PEX3: variants seen among roughly 807,000 people sequenced by gnomAD.
The protein encoded by PEX3 is peroxin-3.
A neutral mutation model predicts 55.8 loss-of-function variants in PEX3; 30 were observed. The ratio of observed to expected loss-of-function variants is 0.54; its 90% CI spans 0.40 to 0.73. PEX3 has a LOEUF of 0.73. PEX3 is among the 30% of genes least tolerant of loss of function. The pLI, the probability that PEX3 is intolerant of heterozygous loss-of-function variation, is 0.00. For synonymous variants in PEX3, 135 were observed against 148.4 expected, an observed-to-expected ratio of 0.91 and a Z score of 0.66; for missense variants, 351 against 432.8, an observed-to-expected ratio of 0.81 and a Z score of 1.68.
In PEX3 at chr6:143,462,783, G is replaced by A. The variant is rs545425228; in HGVS notation, c.206-133G>A. ...TATAATAATAATAATAATTTGAATCGTCTAGCCCTGACTTTCCCTTCTGAC... is the reference window on the plus strand; with the variant it reads ...TATAATAATAATAATAATTTGAATCATCTAGCCCTGACTTTCCCTTCTGAC... On this transcript the variant is annotated intron_variant, in intron 2 of 11. Transcript: ENST00000367591. This position sits in a 1 kb window ranked among gnomAD's most constrained non-coding sequence, Gnocchi z 4.1. 2.1e-5 allele frequency: 15 copies of A among 702,900 alleles called. No individual in the cohort carries two copies. The highest frequency in any genetic ancestry group is 8.9e-5 in the African/African-American group (5 of 56,406). The allele number at this position is 702,900 out of a possible 1,614,324, so 43.5% of individuals were successfully genotyped here.
chr6:143,460,935 C>G (rs7746798), intron 2 of PEX3, among the ~76,000 whole-genome samples: 1 of 151,476 alleles, frequency 6.6e-6, no homozygotes, highest in Non-Finnish European at 1.5e-5. Flanking sequence ...TGACATGGAC[C>G]CTTGTGTCAG....
chr6:143,474,556 A>G (rs1302105641), intron 8 of PEX3, among the ~76,000 whole-genome samples: 1 of 152,182 alleles, frequency 6.6e-6, no homozygotes, highest in Non-Finnish European at 1.5e-5. Context: ...CCAGATAAAC[A>G]GAGCTCTTAC....
In PEX3 at chr6:143,479,202, A is replaced by T; in HGVS notation, c.941+4A>T. On this transcript the variant is annotated splice_donor_region_variant and intron_variant, in intron 10 of 11. Transcript: ENST00000367591. This position sits in a 1 kb window ranked among gnomAD's most constrained non-coding sequence, Gnocchi z 4.6. ...AACATGGTAACTCTATGAATAGGTA[A>T]GATGACATATAAAAATGTTATACTA... 1 of 1,599,866 alleles carries T rather than the reference A, an allele frequency of 6.3e-7. No individual in the cohort carries two copies. Among genetic ancestry groups the T allele is most frequent in the Non-Finnish European group, 8.6e-7 (1 of 1,167,348 alleles).
intron 1 of PEX3, among the ~76,000 whole-genome samples, chr6:143,456,557 G>A (rs1455610676): frequency 6.6e-6 from 1 of 152,190 alleles, no homozygotes; most frequent in Non-Finnish European, 1.5e-5. Flanking sequence ...GGTTCCTTCT[G>A]CAGAGTGTAA....
Position 143,458,046 on chromosome 6 carries a change from T to C in PEX3, c.74-1039T>C, listed in dbSNP as rs1779870154. The stretch of plus-strand genomic sequence containing the variant: ...CTTGAAAACCATTAATCTATGAAAA[T>C]CCATTCCTGATAATCATTATGCTAA... On this transcript the variant is annotated intron_variant, in intron 1 of 11. Transcript: ENST00000367591. This position sits in a 1 kb window ranked among gnomAD's most constrained non-coding sequence, Gnocchi z 6.1. Among the ~76,000 whole-genome samples, 2 of 152,166 alleles carry C rather than the reference T, an allele frequency of 1.3e-5. No individual in the cohort carries two copies. Among genetic ancestry groups the C allele is most frequent in the Admixed American group, 1.3e-4 (2 of 15,270 alleles).
chr6:143,473,809 C>T (rs1266711368), intron 8 of PEX3, among the ~76,000 whole-genome samples: 2 of 151,856 alleles, frequency 1.3e-5, no homozygotes, highest in Non-Finnish European at 2.9e-5. Flanking sequence ...CAGTTCGAGT[C>T]CGTGGTGTGC....
rs1779815973 is a variant in PEX3, at chr6:143,454,477, C to A, written c.73+3362C>A. Among the ~76,000 whole-genome samples, 1 of 152,130 alleles carries A rather than the reference C, an allele frequency of 6.6e-6. No individual in the cohort carries two copies. Reference sequence around the variant, plus strand: ...ATTGACTTGGATTTATACCTTAAATCCTGTAATCTCTGGCTTCACATTTTT... The same window carrying A: ...ATTGACTTGGATTTATACCTTAAATACTGTAATCTCTGGCTTCACATTTTT... On this transcript the variant is annotated intron_variant, in intron 1 of 11. Coordinates refer to ENST00000367591, the MANE Select transcript of PEX3 (RefSeq NM_003630.3). The surrounding 1 kb of genome is among the most constrained non-coding windows in gnomAD (Gnocchi z 4.3).
rs1779948518 is a variant in PEX3, at chr6:143,463,235, A to G, written c.287+238A>G. On this transcript the variant is annotated intron_variant, in intron 3 of 11. Transcript: ENST00000367591. This position sits in a 1 kb window ranked among gnomAD's most constrained non-coding sequence, Gnocchi z 5.7. The stretch of plus-strand genomic sequence containing the variant: ...TATGTATTGTTTTTCATATAAATAG[A>G]CCTTATAGCACTTTGAAATTGTTCA... Among the ~76,000 whole-genome samples the G allele has an allele frequency of 6.6e-6, 1 of 152,232 alleles. No individual in the cohort carries two copies. Among genetic ancestry groups the G allele is most frequent in the Non-Finnish European group, 1.5e-5 (1 of 68,032 alleles).
Position 143,453,259 on chromosome 6 carries a change from G to A in PEX3, c.73+2144G>A, listed in dbSNP as rs1291125494. Among the ~76,000 whole-genome samples, 1 of 152,200 alleles carries A rather than the reference G, an allele frequency of 6.6e-6. No individual in the cohort carries two copies. The highest frequency in any genetic ancestry group is 1.5e-5 in the Non-Finnish European group (1 of 68,038). On this transcript the variant is annotated intron_variant, in intron 1 of 11. Transcript: ENST00000367591. The surrounding 1 kb of genome is among the most constrained non-coding windows in gnomAD (Gnocchi z 4.6). ...ATATGCAGTTGTGAAAAATCAGGAAGAATTTCATGGAAGAAGAGACACATT... is the reference window on the plus strand; with the variant it reads ...ATATGCAGTTGTGAAAAATCAGGAAAAATTTCATGGAAGAAGAGACACATT...
chr6:143,450,890 A>G lies in PEX3; in HGVS notation c.-153A>G. On this transcript the variant is annotated 5_prime_UTR_variant, in exon 1 of 12. Transcript: ENST00000367591. Reference sequence around the variant, plus strand: ...CACGCCCCCTTGCCGCTCCGGTGACAGTCTCTGCGGAAAGTCACGTTTGTG... The same window carrying G: ...CACGCCCCCTTGCCGCTCCGGTGACGGTCTCTGCGGAAAGTCACGTTTGTG... 2.5e-6 allele frequency: 2 copies of G among 808,638 alleles called. 1 individual carries two copies. Among genetic ancestry groups the G allele is most frequent in the South Asian group, 2.7e-5 (2 of 74,008 alleles). 50.1% of individuals were successfully genotyped at this position (808,638 alleles called of 1,614,324 possible). A position where few individuals can be genotyped will look rare whatever the true frequency, so the allele number is the denominator to read the frequency against.
Position 143,453,417 on chromosome 6 carries a change from G to C in PEX3, c.73+2302G>C, listed in dbSNP as rs1779801205. On this transcript the variant is annotated intron_variant, in intron 1 of 11. Transcript: ENST00000367591. This position sits in a 1 kb window ranked among gnomAD's most constrained non-coding sequence, Gnocchi z 4.6. ...TTAAGTAACAATTTCTGTTTCCTCAGATTTTGGGTGGGTAACTAATTGGTT... is the reference window on the plus strand; with the variant it reads ...TTAAGTAACAATTTCTGTTTCCTCACATTTTGGGTGGGTAACTAATTGGTT... Among the ~76,000 whole-genome samples, 1 of 152,168 alleles carries C rather than the reference G, an allele frequency of 6.6e-6. No individual in the cohort carries two copies. The highest frequency in any genetic ancestry group is 1.5e-5 in the Non-Finnish European group (1 of 68,030).
rs1779980849 is a variant in PEX3, at chr6:143,465,504, A to G, written c.287+2507A>G. 6.6e-6 allele frequency among the ~76,000 whole-genome samples: 1 copy of G among 151,732 alleles called. No homozygotes were observed. The highest frequency in any genetic ancestry group is 1.5e-5 in the Non-Finnish European group (1 of 67,772). On this transcript the variant is annotated intron_variant, in intron 3 of 11. Coordinates refer to ENST00000367591, the MANE Select transcript of PEX3 (RefSeq NM_003630.3). This position sits in a 1 kb window ranked among gnomAD's most constrained non-coding sequence, Gnocchi z 4.7. Reference sequence around the variant, plus strand: ...TACAGTGGCACAATCATGGCTCACTACTAAGCACTTTCTATATTGAAATTT... The same window carrying G: ...TACAGTGGCACAATCATGGCTCACTGCTAAGCACTTTCTATATTGAAATTT...
chr6:143,473,536 A>T (rs1177296788), intron 8 of PEX3, among the ~76,000 whole-genome samples: 3 of 152,212 alleles, frequency 2.0e-5, no homozygotes, highest in Non-Finnish European at 2.9e-5. Context: ...TAAGATTGAA[A>T]GGACACATAG....
At position 143,454,242 on chromosome 6, in the gene PEX3, G is replaced by A. The variant is rs757016603; in HGVS notation, c.73+3127G>A. On this transcript the variant is annotated intron_variant, in intron 1 of 11. Coordinates refer to ENST00000367591, the MANE Select transcript of PEX3 (RefSeq NM_003630.3). The surrounding 1 kb of genome is among the most constrained non-coding windows in gnomAD (Gnocchi z 4.3). ...ACCTCTCAATTACTCCACTGTATAC[G>A]CATGAGAGAATGAGAATGAAAAAGG... 2.0e-5 allele frequency among the ~76,000 whole-genome samples: 3 copies of A among 152,206 alleles called. No individual in the cohort carries two copies. Among genetic ancestry groups the A allele is most frequent in the South Asian group, 4.1e-4 (2 of 4,828 alleles).
At chr6:143,457,274 G>C (rs1779859784) in intron 1 of PEX3, among the ~76,000 whole-genome samples, 2 of 152,146 alleles carry the variant, frequency 1.3e-5, no homozygotes, top group South Asian at 4.1e-4. Context: ...TGTTGGTATT[G>C]TAGCACTATC....
At chr6:143,469,402 T>A (rs959064534) in intron 4 of PEX3, among the ~76,000 whole-genome samples, 8 of 152,260 alleles carry the variant, frequency 5.3e-5, no homozygotes, top group South Asian at 2.1e-4. Flanking sequence ...ATTGTGGTTT[T>A]GATTTGCGTT....
chr6:143,471,110 C>T lies in PEX3; in HGVS notation c.456+25C>T, dbSNP rs764253266. 3.4e-5 allele frequency: 54 copies of T among 1,606,442 alleles called. No homozygotes were observed. The Admixed American group carries it at 9.0e-4, about 27-fold the overall frequency. On this transcript the variant is annotated intron_variant, in intron 5 of 11. Coordinates refer to ENST00000367591, the MANE Select transcript of PEX3 (RefSeq NM_003630.3). This position sits in a 1 kb window ranked among gnomAD's most constrained non-coding sequence, Gnocchi z 5.4. ...TGTAAGTTTAATAGACTTAAATAGA[C>T]ATTGTTCTTTCCCTCAGGAGGTTCA...
rs1206295725 is a variant in PEX3, at chr6:143,488,528, A to G, written c.1039-615A>G. 6.6e-6 allele frequency among the ~76,000 whole-genome samples: 1 copy of G among 152,130 alleles called. No individual in the cohort carries two copies. Among genetic ancestry groups the G allele is most frequent in the Non-Finnish European group, 1.5e-5 (1 of 67,972 alleles). ...AAAATGCCTATGATTTCTATTGAAG[A>G]CAAAGTCATACAACCTGCTAATATT... On this transcript the variant is annotated intron_variant, in intron 11 of 11. Transcript: ENST00000367591. This position sits in a 1 kb window ranked among gnomAD's most constrained non-coding sequence, Gnocchi z 4.9.
rs564989560 is a variant in PEX3, at chr6:143,465,092, G to T, written c.287+2095G>T. 6.6e-6 allele frequency among the ~76,000 whole-genome samples: 1 copy of T among 151,916 alleles called. No homozygotes were observed. Among genetic ancestry groups the T allele is most frequent in the Admixed American group, 6.6e-5 (1 of 15,256 alleles). ...CATCATAAGAGAAGTAGAACACTTC[G>T]AAAAGATTCGTTTAATTCTCTTTAC... On this transcript the variant is annotated intron_variant, in intron 3 of 11. Transcript: ENST00000367591. The surrounding 1 kb of genome is among the most constrained non-coding windows in gnomAD (Gnocchi z 4.7).
Sources: allele counts gnomAD v4.1 joint callset (sites outside exome capture counted in the v4.1 genomes callset), GRCh38; gene constraint gnomAD v4.1.1; non-coding constraint Gnocchi (gnomAD v3.1); transcripts MANE v1.5; gene names NCBI Gene and HGNC (gene_info 2026-07-23, HGNC 2026-07-21).